Variants in SEMA5A observed in about 807,000 individuals in gnomAD.
SEMA5A encodes semaphorin 5A.
A neutral mutation model predicts 135.5 loss-of-function variants in SEMA5A; 55 were observed. The ratio of observed to expected loss-of-function variants is 0.41; its 90% CI spans 0.33 to 0.51. The LOEUF is 0.51. Ranked by LOEUF, SEMA5A falls within the 20% of genes least tolerant of loss-of-function variation. The probability of loss-of-function intolerance (pLI) is 0.37; values close to 1 mark genes in which losing one functional copy is unlikely to be tolerated. For missense variants in SEMA5A, 1,290 were observed against 1,419.9 expected (o/e 0.91, Z 1.47); for synonymous variants, 580 against 546.5 (o/e 1.06, Z -0.85).
intron 1 of SEMA5A, among the ~76,000 whole-genome samples, chr5:9,516,416 A>G (rs1206228755): frequency 6.6e-6 from 1 of 151,970 alleles, no homozygotes; most frequent in Non-Finnish European, 1.5e-5. Flanking sequence ...CTAGAAAAAG[A>G]GATTTCTCTT....
rs1221340604 is a variant in SEMA5A at position 9,414,917 on chromosome 5, T to C, written c.-78+22839A>G. On this transcript the variant is annotated intron_variant, in intron 2 of 22. Transcript: ENST00000382496. Reference sequence around the variant, plus strand: ...AACATATGTAAAACACCTAGGACAGTGCCTGCATATAGCATGTCCGCTATA... The same window carrying C: ...AACATATGTAAAACACCTAGGACAGCGCCTGCATATAGCATGTCCGCTATA... Among the ~76,000 whole-genome samples the C allele has an allele frequency of 2.6e-5, 4 of 152,198 alleles. No individual in the cohort carries two copies. The East Asian group carries it at 7.7e-4, about 29-fold the overall frequency.
chr5:9,389,294 T>C (rs1756043755), intron 2 of SEMA5A, among the ~76,000 whole-genome samples: 1 of 152,176 alleles, frequency 6.6e-6, no homozygotes, highest in Admixed American at 6.5e-5. Flanking sequence ...CAGAGGCCCT[T>C]TTCTTCAAAC....
rs189875609 is a variant in SEMA5A, at chr5:9,337,531, G to A, written c.224+182C>T. Among the ~76,000 whole-genome samples, 21 of 152,214 alleles carry A rather than the reference G, an allele frequency of 1.4e-4. No individual in the cohort carries two copies. The East Asian group carries it at 2.7e-3, about 20-fold the overall frequency. On this transcript the variant is annotated intron_variant, in intron 4 of 22. Transcript: ENST00000382496. ...GGGCCCGATCAATGCTTACTCTAAC[G>A]GGCAGCCATCAACATCTTATTAGCA...
At chr5:9,244,895 G>A (rs1478668489) in intron 5 of SEMA5A, among the ~76,000 whole-genome samples, 1 of 152,182 alleles carries the variant, frequency 6.6e-6, no homozygotes, top group Non-Finnish European at 1.5e-5. Context: ...ACACTGGGAA[G>A]AAGAATATGA....
intron 1 of SEMA5A, among the ~76,000 whole-genome samples, chr5:9,442,056 G>A (rs1410175294): frequency 6.6e-6 from 1 of 152,184 alleles, no homozygotes; most frequent in African/African-American, 2.4e-5. Context: ...CCAGGTATGA[G>A]GAGAATTGCA....
intron 1 of SEMA5A, among the ~76,000 whole-genome samples, chr5:9,466,143 C>A (rs1360466550): frequency 6.6e-6 from 1 of 151,842 alleles, no homozygotes; most frequent in African/African-American, 2.4e-5. Context: ...ACCTGGGTAC[C>A]AATGTGGAGA....
chr5:9,331,220 T>A (rs1753116094), intron 4 of SEMA5A, among the ~76,000 whole-genome samples: 1 of 152,130 alleles, frequency 6.6e-6, no homozygotes. Flanking sequence ...CAAGTAAAAA[T>A]AAGAATTATA....
At chr5:9,229,398 C>T (rs574471823) in intron 6 of SEMA5A, among the ~76,000 whole-genome samples, 1 of 152,184 alleles carries the variant, frequency 6.6e-6, no homozygotes, top group South Asian at 2.1e-4. Flanking sequence ...CTTCAAAGAA[C>T]CACACAGTAC....
At chr5:9,502,280 A>C (rs1165463836) in intron 1 of SEMA5A, among the ~76,000 whole-genome samples, 3 of 152,190 alleles carry the variant, frequency 2.0e-5, no homozygotes, top group African/African-American at 7.2e-5. Context: ...CATAGTTGGA[A>C]TTTAAATAAA....
intron 12 of SEMA5A, among the ~76,000 whole-genome samples, chr5:9,141,997 A>G (rs1039243483): frequency 2.6e-5 from 4 of 152,356 alleles, no homozygotes; most frequent in South Asian, 4.1e-4. Flanking sequence ...TCATGTATCA[A>G]TTCAGCACAT....
At chr5:9,181,945 C>A (rs1383310524) in intron 11 of SEMA5A, among the ~76,000 whole-genome samples, 1 of 151,778 alleles carries the variant, frequency 6.6e-6, no homozygotes, top group Non-Finnish European at 1.5e-5. Context: ...TTCCTGACCT[C>A]TATCTCCTCC....
At chr5:9,302,440 C>T (rs3777313) in intron 5 of SEMA5A, among the ~76,000 whole-genome samples, 103,035 of 152,052 alleles carry the variant, frequency 0.68, 38,035 homozygotes, top group Non-Finnish European at 0.83. Flanking sequence ...CAGAACTGAG[C>T]CATCACATAA....
intron 11 of SEMA5A, among the ~76,000 whole-genome samples, chr5:9,181,512 AAC>A (rs1414690260): frequency 2.6e-5 from 4 of 151,704 alleles, no homozygotes; most frequent in Admixed American, 6.6e-5. Flanking sequence ...CACCCCACCA[AAC>A]ACACACAGTC....
At chr5:9,447,360 G>T (rs938044415) in intron 1 of SEMA5A, among the ~76,000 whole-genome samples, 1 of 152,176 alleles carries the variant, frequency 6.6e-6, no homozygotes, top group Non-Finnish European at 1.5e-5. Flanking sequence ...AAACTCTGAT[G>T]TTCTATTCTG....
chr5:9,385,990 C>G (rs535306280), intron 2 of SEMA5A, among the ~76,000 whole-genome samples: 1 of 151,970 alleles, frequency 6.6e-6, no homozygotes, highest in Admixed American at 6.6e-5. Context: ...TTAGTAGAGA[C>G]AGGGTTTCAC....
Position 9,545,175 on chromosome 5 carries a change from C to G in SEMA5A, c.-175+409G>C, listed in dbSNP as rs1261446127. 6.6e-6 allele frequency among the ~76,000 whole-genome samples: 1 copy of G among 152,136 alleles called. No individual in the cohort carries two copies. Among genetic ancestry groups the G allele is most frequent in the African/African-American group, 2.4e-5 (1 of 41,442 alleles). Reference sequence around the variant, plus strand: ...TGGCCGCTCCCGAACCGCCAAGTCCCGACCTCCGTGTCCCCTGCCCCCGGC... The same window carrying G: ...TGGCCGCTCCCGAACCGCCAAGTCCGGACCTCCGTGTCCCCTGCCCCCGGC... On this transcript the variant is annotated intron_variant, in intron 1 of 22. Coordinates refer to ENST00000382496, the MANE Select transcript of SEMA5A (RefSeq NM_003966.3). The surrounding 1 kb of genome is among the most constrained non-coding windows in gnomAD (Gnocchi z 4.5).
chr5:9,388,711 A>C (rs1756009377), intron 2 of SEMA5A, among the ~76,000 whole-genome samples: 1 of 152,102 alleles, frequency 6.6e-6, no homozygotes, highest in African/African-American at 2.4e-5. Flanking sequence ...CATCCTGGCT[A>C]ACACAGTGAA....
In SEMA5A at chr5:9,443,608, T is replaced by A. The variant is rs12659345; in HGVS notation, c.-174-5756A>T. On this transcript the variant is annotated intron_variant, in intron 1 of 22. Coordinates refer to ENST00000382496, the MANE Select transcript of SEMA5A (RefSeq NM_003966.3). ...CTAGTGAAGCAAATTAACGTATTTATCATCTCACATAGTTACATTTTTTGA... is the reference window on the plus strand; with the variant it reads ...CTAGTGAAGCAAATTAACGTATTTAACATCTCACATAGTTACATTTTTTGA... Among the ~76,000 whole-genome samples the A allele has an allele frequency of 1.8e-4, 27 of 152,374 alleles. No homozygotes were observed. In the East Asian group the frequency reaches 5.0e-3, roughly 28 times the overall value.
chr5:9,416,032 C>T (rs1292845659), intron 2 of SEMA5A, among the ~76,000 whole-genome samples: 1 of 152,180 alleles, frequency 6.6e-6, no homozygotes, highest in Admixed American at 6.5e-5. Context: ...GGGGTAACCA[C>T]AAAAAGAGAA....
Sources: allele counts gnomAD v4.1 joint callset (sites outside exome capture counted in the v4.1 genomes callset), GRCh38; gene constraint gnomAD v4.1.1; non-coding constraint Gnocchi (gnomAD v3.1); transcripts MANE v1.5; gene names NCBI Gene and HGNC (gene_info 2026-07-23, HGNC 2026-07-21).